The following NRG3 variants were observed in gnomAD, a reference collection of about 807,000 sequenced individuals.
NRG3 encodes the protein pro-neuregulin-3, membrane-bound isoform.
In NRG3, 31 loss-of-function variants were observed where a neutral mutation model predicts 66.9. The observed-to-expected ratio is 0.46, with a 90% confidence interval of 0.35 to 0.63. The LOEUF is 0.63. Ranked by LOEUF, NRG3 falls within the 20% of genes least tolerant of loss-of-function variation. NRG3 has a pLI of 0.00. For synonymous variants in NRG3, 393 were observed against 359.4 expected (o/e 1.09, Z -1.06); for missense variants, 910 against 878.9 (o/e 1.04, Z -0.45).
chr10:82,181,847 G>A (rs1410740223), intron 1 of NRG3, among the ~76,000 whole-genome samples: 1 of 151,576 alleles, frequency 6.6e-6, no homozygotes, highest in Non-Finnish European at 1.5e-5. Context: ...ATTGAAAGTG[G>A]GTATTGAAAG....
At chr10:82,537,115 G>GT (rs1331162920) in intron 2 of NRG3, among the ~76,000 whole-genome samples, 1 of 151,980 alleles carries the variant, frequency 6.6e-6, no homozygotes, top group East Asian at 1.9e-4. Context: ...CACCTCATGG[G>GT]TTTTTGTGAA....
At chr10:82,788,905 C>T (rs2060476072) in intron 3 of NRG3, among the ~76,000 whole-genome samples, 1 of 151,980 alleles carries the variant, frequency 6.6e-6, no homozygotes, top group Non-Finnish European at 1.5e-5. Context: ...AAATAATATC[C>T]TAATGTATGT....
At chr10:82,521,605 G>T (rs1047634141) in intron 2 of NRG3, among the ~76,000 whole-genome samples, 1 of 152,112 alleles carries the variant, frequency 6.6e-6, no homozygotes, top group Non-Finnish European at 1.5e-5. Context: ...CTCCCAAAGT[G>T]CTGGGATTAC....
intron 1 of NRG3, among the ~76,000 whole-genome samples, chr10:81,883,392 A>G (rs1337990076): frequency 6.6e-6 from 1 of 152,174 alleles, no homozygotes; most frequent in African/African-American, 2.4e-5. Context: ...GTGATTGTAC[A>G]TAAATCATAG....
At chr10:82,729,156 T>A (rs557814901) in intron 2 of NRG3, among the ~76,000 whole-genome samples, 1 of 152,242 alleles carries the variant, frequency 6.6e-6, no homozygotes, top group East Asian at 1.9e-4. Flanking sequence ...AAGACATGCC[T>A]TTTCCTCCAT....
At chr10:82,087,109 C>T (rs896974187) in intron 1 of NRG3, among the ~76,000 whole-genome samples, 1 of 152,142 alleles carries the variant, frequency 6.6e-6, no homozygotes, top group Non-Finnish European at 1.5e-5. Context: ...CAATAATCAT[C>T]ATGGCTTGGT....
rs568145088 is a variant in NRG3, at chr10:82,869,809, C to T, written c.1054+4372C>T. Among the ~76,000 whole-genome samples the T allele has an allele frequency of 4.0e-5, 6 of 151,790 alleles. No individual in the cohort carries two copies. The East Asian group carries it at 9.7e-4, about 25-fold the overall frequency. Reference sequence around the variant, plus strand: ...TTTTTAGTAGAGACGGGGTTTTCACCGTGTTAGCCCGGATGGTCTCGATCT... The same window carrying T: ...TTTTTAGTAGAGACGGGGTTTTCACTGTGTTAGCCCGGATGGTCTCGATCT... On this transcript the variant is annotated intron_variant, in intron 4 of 8. Transcript: ENST00000372141.
intron 2 of NRG3, among the ~76,000 whole-genome samples, chr10:82,593,665 T>TG (rs770769638): frequency 6.2e-4 from 95 of 152,262 alleles, no homozygotes; most frequent in Non-Finnish European, 1.1e-3. Flanking sequence ...TGATCCATTA[T>TG]GATCTCTGTT....
chr10:82,062,845 T>A (rs1226217445), intron 1 of NRG3, among the ~76,000 whole-genome samples: 1 of 152,126 alleles, frequency 6.6e-6, no homozygotes, highest in African/African-American at 2.4e-5. Flanking sequence ...CTGGTCTTTT[T>A]CCTTGCTGTG....
chr10:82,354,801 T>C (rs1045262963), intron 1 of NRG3, among the ~76,000 whole-genome samples: 1 of 152,194 alleles, frequency 6.6e-6, no homozygotes, highest in Non-Finnish European at 1.5e-5. Context: ...AGCAAGCTCA[T>C]GGTCCAGTCA....
In NRG3 at chr10:82,761,976, T is replaced by C. The variant is rs868598956; in HGVS notation, c.1027+23326T>C. On this transcript the variant is annotated intron_variant, in intron 3 of 8. Coordinates refer to ENST00000372141, the MANE Select transcript of NRG3 (RefSeq NM_001010848.4). Reference sequence around the variant, plus strand: ...TCTTTCTTTCTTTCTTTCTTTCTTTTCTTTCTTTCTTCTTTCTTTTCCTTT... The same window carrying C: ...TCTTTCTTTCTTTCTTTCTTTCTTTCCTTTCTTTCTTCTTTCTTTTCCTTT... Among the ~76,000 whole-genome samples the C allele has an allele frequency of 9.1e-4, 125 of 136,712 alleles. 1 individual carries two copies. The highest frequency in any genetic ancestry group is 1.5e-3 in the African/African-American group (56 of 37,514). 89.7% of individuals were successfully genotyped at this position (136,712 alleles called of 152,430 possible).
intron 1 of NRG3, among the ~76,000 whole-genome samples, chr10:81,891,167 T>C (rs922618621): frequency 4.6e-5 from 7 of 152,212 alleles, no homozygotes; most frequent in Non-Finnish European, 8.8e-5. Context: ...ATAGAGATGC[T>C]TTCATGCCAG....
At chr10:81,924,194 C>T (rs905218021) in intron 1 of NRG3, among the ~76,000 whole-genome samples, 2 of 152,188 alleles carry the variant, frequency 1.3e-5, no homozygotes, top group African/African-American at 4.8e-5. Context: ...ACGTACACAG[C>T]TCTTGCTCTT....
chr10:82,828,530 A>G (rs921204042), intron 3 of NRG3, among the ~76,000 whole-genome samples: 5 of 152,140 alleles, frequency 3.3e-5, no homozygotes, highest in African/African-American at 1.2e-4. Flanking sequence ...GAGGAAGTGC[A>G]TAGATTTTTC....
intron 3 of NRG3, among the ~76,000 whole-genome samples, chr10:82,783,546 A>T (rs1316159630): frequency 6.6e-6 from 1 of 152,146 alleles, no homozygotes; most frequent in Non-Finnish European, 1.5e-5. Context: ...AATCACAAGC[A>T]TTCTTATACA....
chr10:82,762,460 A>C (rs2059367773), intron 3 of NRG3, among the ~76,000 whole-genome samples: 1 of 152,200 alleles, frequency 6.6e-6, no homozygotes, highest in Non-Finnish European at 1.5e-5. Context: ...ATACAATGCA[A>C]ACTCAATTCA....
rs369961990 is a variant in NRG3 at position 82,504,663 on chromosome 10, G to A, written c.953+145795G>A. On this transcript the variant is annotated intron_variant, in intron 2 of 8. Coordinates refer to ENST00000372141, the MANE Select transcript of NRG3 (RefSeq NM_001010848.4). ...TAACAAAATCTGCATTTAAATGAAT[G>A]TATTATAATGTGGAAAAGTAAGCCC... 4.6e-5 allele frequency among the ~76,000 whole-genome samples: 7 copies of A among 152,266 alleles called. No individual in the cohort carries two copies. The East Asian group carries it at 1.4e-3, about 29-fold the overall frequency.
intron 2 of NRG3, among the ~76,000 whole-genome samples, chr10:82,515,866 A>C (rs528101179): frequency 6.6e-6 from 1 of 152,258 alleles, no homozygotes; most frequent in East Asian, 1.9e-4. Flanking sequence ...GGGTTCCCCA[A>C]CTTTTGTGTA....
intron 2 of NRG3, among the ~76,000 whole-genome samples, chr10:82,643,794 G>T (rs2050742381): frequency 6.6e-6 from 1 of 151,742 alleles, no homozygotes; most frequent in Admixed American, 6.6e-5. Context: ...CTAATCCTGG[G>T]TTCTACTTAT....
Sources: gnomAD v4.1 joint callset for allele counts (sites outside exome capture counted in the v4.1 genomes callset) on GRCh38, gnomAD v4.1.1 for gene constraint, MANE v1.5 for transcripts, NCBI Gene and HGNC (gene_info 2026-07-23, HGNC 2026-07-21) for gene names.